KANSL1L: variants seen among roughly 807,000 people sequenced by gnomAD.
KANSL1L encodes KAT8 regulatory NSL complex subunit 1-like protein.
Under a neutral mutation model 108.6 loss-of-function variants are expected in KANSL1L, and 25 were observed. That is an observed-to-expected ratio of 0.23 (90% CI 0.17 to 0.32). The LOEUF is 0.32. Among genes scored for constraint, KANSL1L ranks in the 10% least tolerant of loss-of-function variants. The probability of loss-of-function intolerance (pLI) is 1.00; values close to 1 mark genes in which losing one functional copy is unlikely to be tolerated. For missense variants in KANSL1L, 1,137 were observed against 1,125.7 expected (o/e 1.01, Z -0.14); for synonymous variants, 405 against 395.1 (o/e 1.03, Z -0.30).
chr2:210,155,922 A>G (rs770175904), intron 1 of KANSL1L, among the ~76,000 whole-genome samples: 2 of 152,198 alleles, frequency 1.3e-5, no homozygotes, highest in Admixed American at 6.5e-5. Context: ...ACTTAAAAAC[A>G]CAAAACCAAA....
At position 210,062,613 on chromosome 2, in the gene KANSL1L, G is replaced by A. The variant is rs146558375; in HGVS notation, c.1755+12939C>T. On this transcript the variant is annotated intron_variant, in intron 6 of 14. Transcript: ENST00000281772. ...CCAGGCTGAGGTAGTCTCAGATGGA[G>A]ATAAGGAACTTGTTGGGAACTGGAG... Among the ~76,000 whole-genome samples the A allele has an allele frequency of 4.4e-3, 669 of 152,320 alleles. 4 individuals are homozygous for A. Among genetic ancestry groups the A allele is most frequent in the Non-Finnish European group, 7.3e-3 (499 of 68,042 alleles).
intron 6 of KANSL1L, among the ~76,000 whole-genome samples, chr2:210,053,377 A>G (rs1463343898): frequency 6.6e-6 from 1 of 152,194 alleles, no homozygotes; most frequent in Non-Finnish European, 1.5e-5. Context: ...TGGCCAGATC[A>G]TTTGAGATCA....
intron 4 of KANSL1L, among the ~76,000 whole-genome samples, chr2:210,100,707 G>A (rs928905916): frequency 1.3e-5 from 2 of 152,126 alleles, no homozygotes; most frequent in African/African-American, 4.8e-5. Flanking sequence ...GGTGCCATCT[G>A]GCTCACTGCA....
In KANSL1L at chr2:210,171,293, CCGGCCGCCGCCG is replaced by C. The variant is rs1341209046; in HGVS notation, c.-186_-175del. On this transcript the variant is annotated 5_prime_UTR_variant, in exon 1 of 15. Coordinates refer to ENST00000281772, the MANE Select transcript of KANSL1L (RefSeq NM_152519.4). ...CTCCAGAGCGCGCCCCGCTCCCGCC[CCGGCCGCCGCCG>C]CCGCCGCCGCCGCCGCCGCCGCCGC... 3 of 171,730 alleles carry C rather than the reference CCGGCCGCCGCCG, an allele frequency of 1.7e-5. No individual in the cohort carries two copies. Among genetic ancestry groups the C allele is most frequent in the Non-Finnish European group, 3.4e-5 (3 of 89,014 alleles). The allele number at this position is 171,730 out of a possible 1,614,324, so 10.6% of individuals were successfully genotyped here. A position where few individuals can be genotyped will look rare whatever the true frequency, so the allele number is the denominator to read the frequency against.
intron 8 of KANSL1L, 54 bp downstream of exon 8, chr2:210,040,366 A>C: frequency 3.7e-6 from 3 of 805,522 alleles, no homozygotes; most frequent in Non-Finnish European, 6.3e-6. Flanking sequence ...AAAAATAGTA[A>C]GTATAAAGAC....
chr2:210,118,750 G>C (rs982251881), intron 3 of KANSL1L, among the ~76,000 whole-genome samples: 1 of 151,682 alleles, frequency 6.6e-6, no homozygotes, highest in African/African-American at 2.4e-5. Context: ...AGGCTGAGGT[G>C]GAAGGACTGC....
chr2:210,168,040 GT>G, intron 1 of KANSL1L, among the ~76,000 whole-genome samples: 1 of 152,078 alleles, frequency 6.6e-6, no homozygotes, highest in East Asian at 1.9e-4. Flanking sequence ...CATACTAAAA[GT>G]AATGTAAGAT....
chr2:210,022,073 T>C lies in KANSL1L; in HGVS notation c.*876A>G, dbSNP rs1004641177. Reference sequence around the variant, plus strand: ...TGTGGCTCATTTTAAAACTGGTGTCTTCTCTTCATGAGACACATTAATTGG... The same window carrying C: ...TGTGGCTCATTTTAAAACTGGTGTCCTCTCTTCATGAGACACATTAATTGG... On this transcript the variant is annotated 3_prime_UTR_variant, in exon 15 of 15. Coordinates refer to ENST00000281772, the MANE Select transcript of KANSL1L (RefSeq NM_152519.4). 2 of 151,606 alleles carry C rather than the reference T, an allele frequency of 1.3e-5. No homozygotes were observed. The highest frequency in any genetic ancestry group is 4.8e-5 in the African/African-American group (2 of 41,260). 9.4% of individuals were successfully genotyped at this position (151,606 alleles called of 1,614,324 possible).
In KANSL1L at chr2:210,050,010, A is replaced by G. The variant is rs1234523234; in HGVS notation, c.1756-5906T>C. The stretch of plus-strand genomic sequence containing the variant: ...ACTTTGGCACAAAGGAGGTGGCTCA[A>G]GTAGGGAGTAGCAGTCTAGCTGACT... On this transcript the variant is annotated intron_variant, in intron 6 of 14. Transcript: ENST00000281772. Among the ~76,000 whole-genome samples, 3 of 152,220 alleles carry G rather than the reference A, an allele frequency of 2.0e-5. No individual in the cohort carries two copies. In the South Asian group the frequency reaches 6.2e-4, roughly 32 times the overall value.
intron 5 of KANSL1L, among the ~76,000 whole-genome samples, chr2:210,097,623 A>T (rs913744540): frequency 1.3e-5 from 2 of 152,298 alleles, no homozygotes; most frequent in Admixed American, 1.3e-4. Context: ...TAGTAAAAAA[A>T]ATTTACCTTA....
At chr2:210,057,693 T>C (rs944943721) in intron 6 of KANSL1L, among the ~76,000 whole-genome samples, 2 of 152,184 alleles carry the variant, frequency 1.3e-5, no homozygotes, top group Admixed American at 6.5e-5. Context: ...AGAACGTGGA[T>C]TGTGAAGATT....
At chr2:210,095,583 T>A (rs533260569) in intron 5 of KANSL1L, among the ~76,000 whole-genome samples, 1 of 152,170 alleles carries the variant, frequency 6.6e-6, no homozygotes, top group East Asian at 1.9e-4. Context: ...ATAGATTTTT[T>A]AATACATATT....
Position 210,025,105 on chromosome 2 carries a change from T to C in KANSL1L, c.2563A>G (p.Arg855Gly). 6.3e-7 allele frequency: 1 copy of C among 1,589,454 alleles called. No individual in the cohort carries two copies. Among genetic ancestry groups the C allele is most frequent in the East Asian group, 2.2e-5 (1 of 44,766 alleles). ...EQSKWHRRNS[R>G]AYSKNVEGQD... ...TGGGGTTTTAAATTTGTAACCTGCCTGCTGTTTCTTCTGTGCCACTTGCTT... is the reference window on the plus strand; with the variant it reads ...TGGGGTTTTAAATTTGTAACCTGCCCGCTGTTTCTTCTGTGCCACTTGCTT... Residue 855 changes from arginine (R) to glycine (G), a missense_variant and splice_region_variant, in exon 13 of 15, where the codon AGA becomes GGA. Around this residue, in one of 3 missense-constraint regions of KANSL1L, gnomAD observed 575 missense variants for 567.1 expected, o/e 1.01. Transcript: ENST00000281772.
chr2:210,056,621 C>G (rs1040327847), intron 6 of KANSL1L, among the ~76,000 whole-genome samples: 12 of 152,130 alleles, frequency 7.9e-5, no homozygotes, highest in Non-Finnish European at 1.3e-4. Context: ...GCTGGGGTTA[C>G]AGGCATGCAC....
intron 1 of KANSL1L, among the ~76,000 whole-genome samples, chr2:210,160,271 G>A (rs905575409): frequency 7.2e-5 from 11 of 152,064 alleles, no homozygotes; most frequent in Non-Finnish European, 1.5e-5. Flanking sequence ...CCCTAAGACT[G>A]GGAATGAGGC....
chr2:210,110,564 T>C (rs1181937283), intron 3 of KANSL1L, among the ~76,000 whole-genome samples: 2 of 152,104 alleles, frequency 1.3e-5, no homozygotes. Context: ...CTAAGCAGAA[T>C]ATGGTCAAAG....
intron 1 of KANSL1L, chr2:210,170,237 G>T: frequency 7.5e-6 from 3 of 397,950 alleles, no homozygotes; most frequent in Non-Finnish European, 1.0e-5. Flanking sequence ...CTCAGATGAA[G>T]TTAAGCAAAC....
chr2:210,040,391 A>G, intron 8 of KANSL1L, 29 bp downstream of exon 8: 1 of 991,580 alleles, frequency 1.0e-6, no homozygotes, highest in Non-Finnish European at 1.6e-6. Flanking sequence ...AAAGGCATAT[A>G]GAGTACAAGA....
intron 5 of KANSL1L, among the ~76,000 whole-genome samples, chr2:210,087,806 C>A (rs1173671662): frequency 6.6e-6 from 1 of 152,188 alleles, no homozygotes; most frequent in Non-Finnish European, 1.5e-5. Context: ...ACAGGCTGTT[C>A]TCATTCTATC....
Sources: gnomAD v4.1 joint callset for allele counts (sites outside exome capture counted in the v4.1 genomes callset) on GRCh38, gnomAD v4.1.1 for gene constraint, gnomAD v4.1.1 regional missense constraint, MANE v1.5 for transcripts, NCBI Gene and HGNC (gene_info 2026-07-23, HGNC 2026-07-21) for gene names.